Variants in PCDH19 observed in about 807,000 individuals in gnomAD.
PCDH19 encodes protocadherin 19, also known as protocadherin-19.
In PCDH19, 6 loss-of-function variants were observed where a neutral mutation model predicts 46.2. The observed-to-expected ratio is 0.13, with a 90% confidence interval of 0.07 to 0.26. PCDH19 has a LOEUF of 0.26. PCDH19 is among the 10% of genes least tolerant of loss of function. PCDH19 has a pLI of 1.00. For synonymous variants in PCDH19, 481 were observed against 415.7 expected, an observed-to-expected ratio of 1.16 and a Z score of -1.91; for missense variants, 740 against 972.3, an observed-to-expected ratio of 0.76 and a Z score of 3.18.
chrX:100,403,306 G>A (rs1928249323), intron 2 of PCDH19, among the ~76,000 whole-genome samples: 1 of 108,296 alleles, frequency 9.2e-6, no homozygotes, highest in Admixed American at 9.9e-5. Flanking sequence ...GTTCCTCCAG[G>A]CATTTGCCAT....
intron 5 of PCDH19, among the ~76,000 whole-genome samples, chrX:100,325,077 A>C (rs984706849): frequency 9.1e-6 from 1 of 110,245 alleles, no homozygotes. Flanking sequence ...AAAACCGGCA[A>C]AACACCTAGC....
chrX:100,331,480 G>A (rs1293070109), intron 5 of PCDH19, among the ~76,000 whole-genome samples: 3 of 111,643 alleles, frequency 2.7e-5, no homozygotes, highest in East Asian at 2.8e-4. Context: ...CCCCTAAAAA[G>A]CAACTTTTCT....
chrX:100,369,757 C>T (rs750515657), intron 3 of PCDH19, among the ~76,000 whole-genome samples: 1 of 111,808 alleles, frequency 8.9e-6, no homozygotes, highest in African/African-American at 3.2e-5. Context: ...CTTAACCTCC[C>T]TTGAAGCTCA....
intron 3 of PCDH19, among the ~76,000 whole-genome samples, chrX:100,363,354 G>T (rs1926956919): frequency 9.2e-6 from 1 of 108,571 alleles, no homozygotes; most frequent in Non-Finnish European, 1.9e-5. Flanking sequence ...ACCTTCTAGG[G>T]GATTTTTTTT....
chrX:100,403,651 T>A lies in PCDH19; in HGVS notation c.2161A>T (p.Ile721Phe). The A allele has an allele frequency of 8.3e-7, 1 of 1,203,773 alleles. No homozygotes were observed. Among genetic ancestry groups the A allele is most frequent in the Non-Finnish European group, 1.1e-6 (1 of 891,088 alleles). ...RTYNCSNCLT[I>F]TCLLGCFIKG... is the part of the protein sequence containing the mutation. ...ATAAAACAGCCGAGGAGACAAGTGA[T>A]GGTTAAACAATTACTGCAAAGGAAT... Residue 721 changes from isoleucine to phenylalanine, a missense_variant, in exon 2 of 6, where the codon ATC (isoleucine) becomes TTC (phenylalanine). By Grantham distance (21) the Ile-to-Phe change is conservative. Transcript: ENST00000373034.
intron 3 of PCDH19, among the ~76,000 whole-genome samples, chrX:100,388,463 C>G: frequency 9.1e-6 from 1 of 110,309 alleles, no homozygotes; most frequent in Non-Finnish European, 1.9e-5. Context: ...ATGTATATAT[C>G]ATAATATATT....
At chrX:100,393,934 G>A (rs1447729181) in intron 3 of PCDH19, among the ~76,000 whole-genome samples, 2 of 112,403 alleles carry the variant, frequency 1.8e-5, no homozygotes, top group African/African-American at 3.2e-5. Context: ...GGGAGGCAGA[G>A]GCGGGTGGAT....
In PCDH19 at chrX:100,293,252, G is replaced by A. The variant is rs1455897611; in HGVS notation, c.*3025C>T. On this transcript the variant is annotated 3_prime_UTR_variant, in exon 6 of 6. Transcript: ENST00000373034. ...AATTTTGTCTAAATGAACACCTTAG[G>A]TGCAATTTTGGATGAAGAAGTATAC... The A allele has an allele frequency of 8.9e-6, 1 of 111,879 alleles. No homozygotes were observed. Among genetic ancestry groups the A allele is most frequent in the Non-Finnish European group, 1.9e-5 (1 of 53,196 alleles). 9.2% of individuals were successfully genotyped at this position (111,879 alleles called of 1,213,427 possible).
At chrX:100,381,294 T>A (rs1927546849) in intron 3 of PCDH19, among the ~76,000 whole-genome samples, 1 of 111,992 alleles carries the variant, frequency 8.9e-6, no homozygotes, top group African/African-American at 3.2e-5. Flanking sequence ...GACTTAAAGA[T>A]GAGTTAGTGC....
intron 2 of PCDH19, 89 bp downstream of exon 2, chrX:100,403,435 G>C (rs1322616245): frequency 3.7e-6 from 3 of 811,416 alleles, no homozygotes; most frequent in Non-Finnish European, 5.4e-6. Flanking sequence ...GCCCTAGCCC[G>C]GTTCCCTTTT....
intron 3 of PCDH19, among the ~76,000 whole-genome samples, chrX:100,383,448 C>A (rs1648912903): frequency 1.8e-5 from 2 of 112,215 alleles, no homozygotes; most frequent in Admixed American, 1.9e-4. Flanking sequence ...CTCGTATGTA[C>A]TCTGCCAGCT....
intron 5 of PCDH19, among the ~76,000 whole-genome samples, chrX:100,322,832 A>AGTGT (rs1307266427): frequency 6.6e-5 from 2 of 30,131 alleles, no homozygotes; most frequent in African/African-American, 2.0e-4. Flanking sequence ...TATATTCCTA[A>AGTGT]GTATATATAT....
chrX:100,334,076 C>T (rs1203215416), intron 5 of PCDH19, among the ~76,000 whole-genome samples: 1 of 110,860 alleles, frequency 9.0e-6, no homozygotes, highest in African/African-American at 3.3e-5. Context: ...AGGCATGAGC[C>T]ACCATGCCCA....
chrX:100,388,568 G>A lies in PCDH19; in HGVS notation c.2616+13956C>T, dbSNP rs150590889. Among the ~76,000 whole-genome samples the A allele has an allele frequency of 9.8e-4, 108 of 110,518 alleles. 2 individuals are homozygous for A. The East Asian group carries it at 0.025, about 26-fold the overall frequency. ...AACAACCCTGTACATGAATTTTTACGCTGATCTAAAATTATTTCCTTAGGA... is the reference window on the plus strand; with the variant it reads ...AACAACCCTGTACATGAATTTTTACACTGATCTAAAATTATTTCCTTAGGA... On this transcript the variant is annotated intron_variant, in intron 3 of 5. Coordinates refer to ENST00000373034, the MANE Select transcript of PCDH19 (RefSeq NM_001184880.2).
At chrX:100,360,300 A>G (rs1926844096) in intron 3 of PCDH19, among the ~76,000 whole-genome samples, 1 of 112,490 alleles carries the variant, frequency 8.9e-6, no homozygotes, top group South Asian at 3.7e-4. Flanking sequence ...TCAAGCCCGT[A>G]AAATGTGATC....
chrX:100,316,234 T>C lies in PCDH19; in HGVS notation c.2849-19359A>G, dbSNP rs189754918. 3.5e-4 allele frequency among the ~76,000 whole-genome samples: 39 copies of C among 112,625 alleles called. 1 individual carries two copies. Among genetic ancestry groups the C allele is most frequent in the Admixed American group, 2.1e-3 (22 of 10,650 alleles). ...GAGCTCCCCATCCTATAAAAGAATA[T>C]TCTGTCTCAGAGACATTTTGAAGTG... On this transcript the variant is annotated intron_variant, in intron 5 of 5. Transcript: ENST00000373034.
chrX:100,332,844 G>A (rs1330093737), intron 5 of PCDH19, among the ~76,000 whole-genome samples: 3 of 107,746 alleles, frequency 2.8e-5, no homozygotes, highest in Non-Finnish European at 3.8e-5. Flanking sequence ...GCAAAATCCC[G>A]TCTCTACCAA....
chrX:100,298,694 ACT>A (rs1446597057), intron 5 of PCDH19, among the ~76,000 whole-genome samples: 2 of 111,145 alleles, frequency 1.8e-5, no homozygotes, highest in Admixed American at 9.6e-5. Context: ...TTCCCTGCAA[ACT>A]CTCTGTGTTG....
Position 100,350,630 on chromosome X carries a change from A to C in PCDH19, c.2675+16T>G. ...ATCAAGCTTAGTTGCAGCAATAAGC[A>C]AGCAAACCAACATACCTCTTGATTA... On this transcript the variant is annotated intron_variant, in intron 4 of 5. Coordinates refer to ENST00000373034, the MANE Select transcript of PCDH19 (RefSeq NM_001184880.2). 8.8e-7 allele frequency: 1 copy of C among 1,137,924 alleles called. No individual in the cohort carries two copies. The allele number at this position is 1,137,924 out of a possible 1,213,427, so 93.8% of individuals were successfully genotyped here.
Sources: gnomAD v4.1 joint callset for allele counts (sites outside exome capture counted in the v4.1 genomes callset) on GRCh38, gnomAD v4.1.1 for gene constraint, MANE v1.5 for transcripts, NCBI Gene and HGNC (gene_info 2026-07-23, HGNC 2026-07-21) for gene names.